CERT1: variants seen among roughly 807,000 people sequenced by gnomAD.
CERT1 encodes ceramide transporter 1, also known as ceramide transfer protein.
Under a neutral mutation model 87.9 loss-of-function variants are expected in CERT1, and 31 were observed. The ratio of observed to expected loss-of-function variants is 0.35; its 90% CI spans 0.27 to 0.48. The LOEUF is 0.48. CERT1 is among the 20% of genes least tolerant of loss of function. CERT1 has a pLI of 0.99. For missense variants in CERT1, 487 were observed against 758.0 expected (o/e 0.64, Z 4.20); for synonymous variants, 289 against 250.9 (o/e 1.15, Z -1.44).
At chr5:75,456,489 C>T (rs570628646) in intron 3 of CERT1, among the ~76,000 whole-genome samples, 22 of 151,580 alleles carry the variant, frequency 1.5e-4, no homozygotes, top group Non-Finnish European at 2.4e-4. Flanking sequence ...GGCAACATGG[C>T]GAAACCGTGT....
chr5:75,457,315 T>G (rs993611857), intron 3 of CERT1, among the ~76,000 whole-genome samples: 3 of 152,190 alleles, frequency 2.0e-5, no homozygotes, highest in Admixed American at 2.0e-4. Context: ...TATGTCTTAC[T>G]ACTACTTTGA....
chr5:75,395,857 C>T (rs1219813313), intron 11 of CERT1, among the ~76,000 whole-genome samples: 1 of 151,742 alleles, frequency 6.6e-6, no homozygotes, highest in Admixed American at 6.6e-5. Flanking sequence ...CTCAAAAAAA[C>T]CCAAAAAACA....
rs184136720 is a variant in CERT1 at position 75,417,624 on chromosome 5, A to G, written c.680-591T>C. Among the ~76,000 whole-genome samples, 58 of 152,346 alleles carry G rather than the reference A, an allele frequency of 3.8e-4. 1 individual carries two copies. The highest frequency in any genetic ancestry group is 1.2e-3 in the African/African-American group (48 of 41,586). ...ATAGTTAAGAAATCATTCTAGTAGA[A>G]TAATTATAAATGAAATAATGTCAAT... On this transcript the variant is annotated intron_variant, in intron 6 of 16. Transcript: ENST00000643780.
At chr5:75,427,460 A>G (rs1277854557) in intron 3 of CERT1, among the ~76,000 whole-genome samples, 1 of 152,124 alleles carries the variant, frequency 6.6e-6, no homozygotes, top group Non-Finnish European at 1.5e-5. Context: ...TTAGCCGGGC[A>G]TGGTGGCGGG....
At chr5:75,483,137 A>C (rs1766333576) in intron 2 of CERT1, among the ~76,000 whole-genome samples, 1 of 152,208 alleles carries the variant, frequency 6.6e-6, no homozygotes. Flanking sequence ...AATGAAGCTG[A>C]AGATAAACAG....
At chr5:75,413,467 G>A (rs1004038923) in intron 7 of CERT1, among the ~76,000 whole-genome samples, 3 of 152,174 alleles carry the variant, frequency 2.0e-5, no homozygotes, top group African/African-American at 7.2e-5. Context: ...GACTAAGCCA[G>A]GTGCAGTGGC....
intron 3 of CERT1, among the ~76,000 whole-genome samples, chr5:75,435,994 T>C (rs1764080268): frequency 6.6e-6 from 1 of 152,154 alleles, no homozygotes; most frequent in Non-Finnish European, 1.5e-5. Context: ...TGTGCATGCA[T>C]GCATGCCAGC....
At chr5:75,454,314 C>T (rs1020307427) in intron 3 of CERT1, among the ~76,000 whole-genome samples, 1 of 151,946 alleles carries the variant, frequency 6.6e-6, no homozygotes, top group Non-Finnish European at 1.5e-5. Flanking sequence ...TGAAATTTGC[C>T]GTTTGATATT....
intron 2 of CERT1, among the ~76,000 whole-genome samples, chr5:75,461,474 T>C (rs1244812844): frequency 6.6e-6 from 1 of 152,152 alleles, no homozygotes; most frequent in African/African-American, 2.4e-5. Context: ...AATGCTAATC[T>C]AAAGAACCAA....
chr5:75,465,867 GACAGCGCA>G (rs1765433732), intron 2 of CERT1, among the ~76,000 whole-genome samples: 1 of 152,190 alleles, frequency 6.6e-6, no homozygotes, highest in African/African-American at 2.4e-5. Flanking sequence ...GGTAGAGAAG[GACAGCGCA>G]ACATTCTGAT....
chr5:75,406,698 C>A (rs924157983), intron 8 of CERT1, among the ~76,000 whole-genome samples: 1 of 151,928 alleles, frequency 6.6e-6, no homozygotes, highest in African/African-American at 2.4e-5. Context: ...CACCACCATG[C>A]CTAATACAGC....
intron 2 of CERT1, among the ~76,000 whole-genome samples, chr5:75,466,468 C>G (rs1393509275): frequency 6.6e-6 from 1 of 152,168 alleles, no homozygotes; most frequent in Non-Finnish European, 1.5e-5. Context: ...GTATAAGATA[C>G]ACGAGCTATA....
chr5:75,397,702 ATTAT>A (rs1762311442), intron 11 of CERT1, among the ~76,000 whole-genome samples: 1 of 152,200 alleles, frequency 6.6e-6, no homozygotes, highest in African/African-American at 2.4e-5. Context: ...TCACAGATTC[ATTAT>A]GAATATGAGT....
chr5:75,491,892 T>C (rs534970620), intron 2 of CERT1, among the ~76,000 whole-genome samples: 1 of 152,352 alleles, frequency 6.6e-6, no homozygotes, highest in African/African-American at 2.4e-5. Context: ...TAAATCATTC[T>C]GAACTCTTTG....
intron 3 of CERT1, among the ~76,000 whole-genome samples, chr5:75,455,430 ATGTGTTGAT>A (rs144221520): frequency 4.8e-4 from 73 of 152,310 alleles, no homozygotes; most frequent in African/African-American, 1.7e-3. Context: ...ATTGGTAAAA[ATGTGTTGAT>A]TGTAATGGTT....
intron 8 of CERT1, among the ~76,000 whole-genome samples, chr5:75,409,954 C>T (rs1762862730): frequency 6.6e-6 from 1 of 151,932 alleles, no homozygotes; most frequent in Admixed American, 6.6e-5. Flanking sequence ...GCATGTGCCA[C>T]TATACCCAGA....
chr5:75,438,165 G>A (rs1764174459), intron 3 of CERT1, among the ~76,000 whole-genome samples: 1 of 152,060 alleles, frequency 6.6e-6, no homozygotes, highest in African/African-American at 2.4e-5. Flanking sequence ...TATATGACAT[G>A]GCTCTCAATT....
downstream of CERT1, chr5:75,374,773 G>A (rs866966311): frequency 2.4e-4 from 133 of 549,514 alleles, no homozygotes; most frequent in Non-Finnish European, 4.2e-4. Context: ...TTAGACCTGC[G>A]GGTGCTGCCC....
intron 7 of CERT1, among the ~76,000 whole-genome samples, chr5:75,416,172 C>T (rs534748752): frequency 6.6e-6 from 1 of 152,310 alleles, no homozygotes; most frequent in East Asian, 1.9e-4. Context: ...GCCTCTAACT[C>T]TATTACTTTT....
Sources: allele counts gnomAD v4.1 joint callset (sites outside exome capture counted in the v4.1 genomes callset), GRCh38; gene constraint gnomAD v4.1.1; transcripts MANE v1.5; gene names NCBI Gene and HGNC (gene_info 2026-07-23, HGNC 2026-07-21).